Variants in CFAP44 observed in about 807,000 individuals in gnomAD.
The protein encoded by CFAP44 is cilia- and flagella-associated protein 44.
Under a neutral mutation model 216.2 loss-of-function variants are expected in CFAP44, and 134 were observed. The observed-to-expected ratio is 0.62, with a 90% CI of 0.54 to 0.72. The LOEUF (loss-of-function observed/expected upper bound fraction) is 0.72. Among genes scored for constraint, CFAP44 ranks in the 30% least tolerant of loss-of-function variants. CFAP44 has a pLI of 0.00. For synonymous variants in CFAP44, 700 were observed against 727.6 expected (o/e 0.96, Z 0.61); for missense variants, 2,035 against 2,182.1 (o/e 0.93, Z 1.34).
At chr3:113,436,836 T>C (rs1935251026) in intron 1 of CFAP44, among the ~76,000 whole-genome samples, 2 of 152,242 alleles carry the variant, frequency 1.3e-5, no homozygotes, top group South Asian at 4.1e-4. Flanking sequence ...ACTGTTTAGT[T>C]TTCCATTGCT....
intron 32 of CFAP44, among the ~76,000 whole-genome samples, chr3:113,299,747 A>G (rs1217612202): frequency 6.6e-6 from 1 of 152,314 alleles, no homozygotes; most frequent in East Asian, 1.9e-4. Flanking sequence ...AATAAGATCC[A>G]GCTAGGCACA....
intron 28 of CFAP44, among the ~76,000 whole-genome samples, chr3:113,310,567 G>A (rs1416158868): frequency 1.3e-5 from 2 of 152,218 alleles, no homozygotes; most frequent in African/African-American, 4.8e-5. Context: ...CAACATGAAA[G>A]TTTTTAGGAT....
chr3:113,333,447 C>T lies in CFAP44; in HGVS notation c.3574G>A (p.Ala1192Thr). ...CCTAGTTCCTCTTCCTTCTTGGCAG[C>T]ATTTATTCTCATGTGCTCAGGTATC... ...YKIPEHMRIN[A>T]AKKEEELGHL... The change falls in exon 25 of 35, where the codon GCT (alanine) becomes ACT (threonine). Residue 1192 changes from alanine (A) to threonine (T), a missense_variant. This residue lies in a region of CFAP44 where 1,883 missense variants were observed against 2,023.7 expected (regional missense o/e 0.93). Coordinates refer to ENST00000393845, the MANE Select transcript of CFAP44 (RefSeq NM_001164496.2). The T allele has an allele frequency of 6.5e-7, 1 of 1,536,986 alleles. No homozygotes were observed. Among genetic ancestry groups the T allele is most frequent in the Non-Finnish European group, 8.7e-7 (1 of 1,146,798 alleles).
chr3:113,291,872 A>G (rs370743214), intron 34 of CFAP44, 124 bp from the exon 35 acceptor site: 1 of 1,070,998 alleles, frequency 9.3e-7, no homozygotes, highest in Non-Finnish European at 1.3e-6. Context: ...ACTGTTCCTT[A>G]ATCTCGGGAG....
chr3:113,329,112 T>C (rs1950218747), intron 26 of CFAP44, among the ~76,000 whole-genome samples: 1 of 152,216 alleles, frequency 6.6e-6, no homozygotes, highest in African/African-American at 2.4e-5. Context: ...ATCAGAAGTA[T>C]ATGTGGCCCT....
In CFAP44 at chr3:113,326,494, T is replaced by C; in HGVS notation, c.4467A>G (p.Leu1489=). ...NKFANFLMKV[L]KKKIKRVKKK... The stretch of plus-strand genomic sequence containing the variant: ...TCTTTACCCGTTTAATCTTCTTCTT[T>C]AGGACCTTCATGAGGAAGTTTGCAA... The change falls in exon 28 of 35, where the codon CTA becomes CTG. Residue 1489 remains leucine, a synonymous_variant. Transcript: ENST00000393845. The C allele has an allele frequency of 6.5e-7, 1 of 1,529,460 alleles. No homozygotes were observed. The highest frequency in any genetic ancestry group is 2.5e-5 in the East Asian group (1 of 40,692). 94.7% of individuals were successfully genotyped at this position (1,529,460 alleles called of 1,614,324 possible).
Position 113,335,828 on chromosome 3 carries a change from T to C in CFAP44, c.3438-2245A>G, listed in dbSNP as rs142684951. Among the ~76,000 whole-genome samples the C allele has an allele frequency of 5.3e-3, 808 of 152,348 alleles. 12 individuals are homozygous for C. Among genetic ancestry groups the C allele is most frequent in the Non-Finnish European group, 8.1e-3 (548 of 68,026 alleles). On this transcript the variant is annotated intron_variant, in intron 24 of 34. Coordinates refer to ENST00000393845, the MANE Select transcript of CFAP44 (RefSeq NM_001164496.2). The stretch of plus-strand genomic sequence containing the variant: ...ATTGAATTTTTACGTAGATAGACTG[T>C]ATATGCGTGGCCATAACACAGTTCT...
At chr3:113,436,298 T>A (rs1300704902) in intron 1 of CFAP44, among the ~76,000 whole-genome samples, 1 of 152,132 alleles carries the variant, frequency 6.6e-6, no homozygotes, top group Non-Finnish European at 1.5e-5. Context: ...TGGTTATAAA[T>A]GACCACATAC....
intron 32 of CFAP44, among the ~76,000 whole-genome samples, chr3:113,301,413 T>C (rs977273143): frequency 2.0e-5 from 3 of 152,130 alleles, no homozygotes; most frequent in African/African-American, 7.2e-5. Context: ...CAGATAGATG[T>C]TACAGTGTTG....
At chr3:113,396,219 T>C (rs1559934749) in intron 14 of CFAP44, among the ~76,000 whole-genome samples, 1 of 152,208 alleles carries the variant, frequency 6.6e-6, no homozygotes, top group Non-Finnish European at 1.5e-5. Context: ...AAAATACTGA[T>C]TATAAATAAT....
intron 13 of CFAP44, among the ~76,000 whole-genome samples, chr3:113,399,193 C>G (rs986389100): frequency 3.3e-5 from 5 of 152,176 alleles, no homozygotes; most frequent in Non-Finnish European, 5.9e-5. Flanking sequence ...ATCAAGAAGC[C>G]TTTGGATTAT....
chr3:113,309,440 A>G (rs567428911), intron 28 of CFAP44, among the ~76,000 whole-genome samples: 1 of 152,256 alleles, frequency 6.6e-6, no homozygotes, highest in South Asian at 2.1e-4. Context: ...ACAAAACCCC[A>G]TTATAGTAGC....
intron 22 of CFAP44, among the ~76,000 whole-genome samples, chr3:113,346,771 G>C (rs1391453025): frequency 2.0e-5 from 3 of 152,228 alleles, no homozygotes; most frequent in Admixed American, 1.3e-4. Flanking sequence ...CAATCAGCAG[G>C]AAATGGGCAG....
chr3:113,400,598 T>C lies in CFAP44; in HGVS notation c.1421A>G (p.Glu474Gly), dbSNP rs1397295069. 1 of 1,611,192 alleles carries C rather than the reference T, an allele frequency of 6.2e-7. No individual in the cohort carries two copies. Among genetic ancestry groups the C allele is most frequent in the Non-Finnish European group, 8.5e-7 (1 of 1,178,654 alleles). ...CLFSFHSGAI[E>G]AVAVSPLTYL... is the part of the protein sequence containing the mutation. ...AGTGAGAGGAGAAACAGCCACGGCT[T>C]CAATAGCTCCAGAATGGAAGGAGAA... is the stretch of plus-strand genomic sequence containing the variant. The change falls in exon 12 of 35, where the codon GAA becomes GGA. Residue 474 changes from glutamate (E) to glycine (G), a missense_variant. By Grantham distance (98) the Glu-to-Gly change is moderately conservative. This residue lies in a region of CFAP44 where 1,883 missense variants were observed against 2,023.7 expected (regional missense o/e 0.93). Transcript: ENST00000393845.
intron 4 of CFAP44, among the ~76,000 whole-genome samples, chr3:113,424,220 G>A (rs748840382): frequency 6.6e-5 from 10 of 152,270 alleles, no homozygotes; most frequent in African/African-American, 1.7e-4. Context: ...GGCAGATCAC[G>A]AGGTCAGGAG....
At chr3:113,404,064 T>G in intron 8 of CFAP44, 48 bp from the exon 9 acceptor site, 1 of 1,501,798 alleles carries the variant, frequency 6.7e-7, no homozygotes, top group Non-Finnish European at 9.0e-7. Flanking sequence ...CAGGTAAGTG[T>G]ACATATTTAT....
intron 2 of CFAP44, chr3:113,429,061 C>T (rs1270386180): frequency 1.3e-5 from 2 of 151,782 alleles, no homozygotes; most frequent in Non-Finnish European, 2.9e-5. Flanking sequence ...CAGAAAAATC[C>T]GTAAGAGCTA....
chr3:113,400,050 TAAG>T, intron 12 of CFAP44, 50 bp from the exon 13 acceptor site: 1 of 1,274,198 alleles, frequency 7.8e-7, no homozygotes, highest in Non-Finnish European at 1.1e-6. Context: ...ATAATTTTTT[TAAG>T]TCTTGGCTCA....
intron 15 of CFAP44, among the ~76,000 whole-genome samples, chr3:113,384,430 T>A (rs1363054746): frequency 6.6e-6 from 1 of 152,146 alleles, no homozygotes; most frequent in Non-Finnish European, 1.5e-5. Flanking sequence ...CAGAAAAAAA[T>A]TCATATATTG....
Sources: allele counts gnomAD v4.1 joint callset (sites outside exome capture counted in the v4.1 genomes callset), GRCh38; gene constraint gnomAD v4.1.1; regional missense constraint gnomAD v4.1.1; transcripts MANE v1.5; gene names NCBI Gene and HGNC (gene_info 2026-07-23, HGNC 2026-07-21).